COL6A5: variants seen among roughly 807,000 people sequenced by gnomAD.
The protein encoded by COL6A5 is collagen alpha-5(VI) chain.
Under a neutral mutation model 65.6 loss-of-function variants are expected in COL6A5, and 48 were observed. The ratio of observed to expected loss-of-function variants is 0.73; its 90% confidence interval spans 0.58 to 0.93. COL6A5 has a LOEUF of 0.93. COL6A5 is among the 40% of genes least tolerant of loss of function. COL6A5 has a pLI of 0.00. For synonymous variants in COL6A5, 291 were observed against 322.8 expected, an observed-to-expected ratio of 0.90 and a Z score of 1.05; for missense variants, 914 against 928.3, an observed-to-expected ratio of 0.98 and a Z score of 0.20.
chr3:130,392,728 C>T (rs1330781934), intron 7 of COL6A5, among the ~76,000 whole-genome samples: 1 of 152,126 alleles, frequency 6.6e-6, no homozygotes, highest in Non-Finnish European at 1.5e-5. Flanking sequence ...TGTCCAACTC[C>T]AAACAAAACC....
At chr3:130,433,379 T>G (rs184724903) in intron 1 of COL6A5, among the ~76,000 whole-genome samples, 2 of 151,792 alleles carry the variant, frequency 1.3e-5, no homozygotes, top group African/African-American at 4.8e-5. Flanking sequence ...TGAGAAAGAG[T>G]CTCCAGTCAT....
At chr3:130,453,215 TG>T (rs1709486332) in intron 4 of COL6A5, among the ~76,000 whole-genome samples, 1 of 152,102 alleles carries the variant, frequency 6.6e-6, no homozygotes, top group Non-Finnish European at 1.5e-5. Flanking sequence ...GAGTATTGAT[TG>T]GGGAAGTGAT....
At chr3:130,475,036 A>C (rs57101373) in intron 7 of COL6A5, among the ~76,000 whole-genome samples, 1 of 53,422 alleles carries the variant, frequency 1.9e-5, no homozygotes, top group Non-Finnish European at 5.7e-5. Context: ...AAAAAGGAAA[A>C]GAAAAGAAAA....
At chr3:130,375,962 G>A (rs1313579462) in intron 2 of COL6A5, among the ~76,000 whole-genome samples, 1 of 152,096 alleles carries the variant, frequency 6.6e-6, no homozygotes, top group African/African-American at 2.4e-5. Context: ...GGGACTTTCT[G>A]AGTTGGTACA....
Position 130,395,456 on chromosome 3 carries a change from G to A in COL6A5, c.3559G>A (p.Gly1187Arg), listed in dbSNP as rs1333804508. ...CATCCGTGAAATCTGCCAGAGCTGTGGGAAAACCAGTAAGTGCTTCTTGTT... is the reference window on the plus strand; with the variant it reads ...CATCCGTGAAATCTGCCAGAGCTGTAGGAAAACCAGTAAGTGCTTCTTGTT... The change falls in exon 8 of 42, where the codon GGG becomes AGG. Residue 1187 changes from glycine to arginine, a missense_variant and NMD_transcript_variant. Physicochemically the swap from Gly to Arg is moderately radical, Grantham distance 125. Transcript: ENST00000312481. 7 of 1,538,226 alleles carry A rather than the reference G, an allele frequency of 4.6e-6. 1 individual carries two copies. In the Admixed American group the frequency reaches 1.5e-4, roughly 33 times the overall value.
chr3:130,384,821 G>C, exon 5 of COL6A5: 2 of 1,546,530 alleles, frequency 1.3e-6, no homozygotes, highest in South Asian at 1.2e-5. Flanking sequence ...GGATACAAAA[G>C]AGGCTGATAT....
intron 7 of COL6A5, among the ~76,000 whole-genome samples, chr3:130,479,075 T>C: frequency 6.6e-6 from 1 of 152,204 alleles, no homozygotes; most frequent in Non-Finnish European, 1.5e-5. Context: ...GTTAGTATGT[T>C]GATGTCCTAA....
At chr3:130,477,990 G>A (rs1446353405) in intron 7 of COL6A5, among the ~76,000 whole-genome samples, 2 of 151,998 alleles carry the variant, frequency 1.3e-5, no homozygotes, top group Non-Finnish European at 2.9e-5. Context: ...AACACTTCAG[G>A]AAACAGGAGT....
chr3:130,385,681 GTA>G (rs536324362), intron 5 of COL6A5, among the ~76,000 whole-genome samples: 346 of 152,118 alleles, frequency 2.3e-3, no homozygotes, highest in Middle Eastern at 3.4e-3. Context: ...GTGTGTGTGT[GTA>G]TGTATGTGCA....
chr3:130,362,736 G>A (rs1935189091), intron 1 of COL6A5, among the ~76,000 whole-genome samples: 1 of 152,162 alleles, frequency 6.6e-6, no homozygotes, highest in Non-Finnish European at 1.5e-5. Context: ...CATCTTGACA[G>A]TACTGAGTCT....
At chr3:130,433,053 A>G (rs1046502969) in intron 1 of COL6A5, among the ~76,000 whole-genome samples, 1 of 152,318 alleles carries the variant, frequency 6.6e-6, no homozygotes. Flanking sequence ...TTTCTACCAT[A>G]TAAAGAGAAA....
At chr3:130,347,918 G>A (rs916896153) in intron 1 of COL6A5, among the ~76,000 whole-genome samples, 26 of 152,240 alleles carry the variant, frequency 1.7e-4, no homozygotes, top group African/African-American at 5.5e-4. Context: ...AAGATAAAAC[G>A]AGATGCATGC....
chr3:130,454,963 A>C (rs1333513537), intron 4 of COL6A5, among the ~76,000 whole-genome samples: 1 of 152,096 alleles, frequency 6.6e-6, no homozygotes, highest in African/African-American at 2.4e-5. Flanking sequence ...CAATACAACA[A>C]GAACCAATCT....
chr3:130,391,558 T>G, exon 7 of COL6A5: 1 of 1,551,638 alleles, frequency 6.4e-7, no homozygotes, highest in South Asian at 1.2e-5. Flanking sequence ...ATGACCATGA[T>G]CAGCTCAATG....
intron 3 of COL6A5, 85 bp downstream of exon 35, chr3:130,440,910 A>G (rs1278326244): frequency 1.0e-6 from 1 of 980,710 alleles, no homozygotes. Flanking sequence ...TTGTATCTAT[A>G]GCTAATCTAA....
intron 22 of COL6A5, 100 bp downstream of exon 22, chr3:130,414,231 GC>G (rs993299733): frequency 2.3e-5 from 21 of 932,790 alleles, no homozygotes; most frequent in Non-Finnish European, 3.5e-5. Context: ...CTGAGAATCT[GC>G]CCCCTGCCCT....
chr3:130,377,179 A>G (rs1192371652), intron 3 of COL6A5, among the ~76,000 whole-genome samples: 1 of 152,066 alleles, frequency 6.6e-6, no homozygotes, highest in African/African-American at 2.4e-5. Flanking sequence ...TCCTGTAACT[A>G]TCCATTTCTG....
upstream of COL6A5, among the ~76,000 whole-genome samples, chr3:130,427,974 G>T (rs1242831150): frequency 6.6e-6 from 1 of 152,078 alleles, no homozygotes; most frequent in Non-Finnish European, 1.5e-5. Context: ...CATTGTAGGA[G>T]AAATGAATGT....
At chr3:130,353,575 A>G (rs1934799613) in intron 1 of COL6A5, among the ~76,000 whole-genome samples, 1 of 152,188 alleles carries the variant, frequency 6.6e-6, no homozygotes, top group Non-Finnish European at 1.5e-5. Flanking sequence ...AATCTTGTGA[A>G]AAATAGAGTT....
Sources: gnomAD v4.1 joint callset for allele counts (sites outside exome capture counted in the v4.1 genomes callset) on GRCh38, gnomAD v4.1.1 for gene constraint, MANE v1.5 for transcripts, NCBI Gene and HGNC (gene_info 2026-07-23, HGNC 2026-07-21) for gene names.